SLC25A23: variants seen among roughly 807,000 people sequenced by gnomAD.
SLC25A23 encodes the protein mitochondrial adenyl nucleotide antiporter SLC25A23.
A neutral mutation model predicts 53.9 loss-of-function variants in SLC25A23; 32 were observed. That is an observed-to-expected ratio of 0.59 (90% CI 0.45 to 0.80). The LOEUF is 0.80. SLC25A23 is among the 30% of genes least tolerant of loss of function. The pLI is 0.00. For synonymous variants in SLC25A23, 275 were observed against 264.5 expected, an observed-to-expected ratio of 1.04 and a Z score of -0.38; for missense variants, 575 against 651.4, an observed-to-expected ratio of 0.88 and a Z score of 1.28.
chr19:6,441,990 C>A lies in SLC25A23; in HGVS notation c.1392G>T (p.Gly464=), dbSNP rs1317891557. The change falls in exon 10 of 10, where the codon GGG becomes GGT. Residue 464 remains glycine, a synonymous_variant. Coordinates refer to ENST00000301454, the MANE Select transcript of SLC25A23 (RefSeq NM_024103.3). ...TCCGGGTCCCTCACCTGGACGTGAC[C>A]CCCAAGGCCTGCTTCATGTTCTCGT... The part of the protein sequence containing the change: ...VVYENMKQAL[G]VTSR The A allele has an allele frequency of 4.3e-6, 7 of 1,613,738 alleles. No individual in the cohort carries two copies. Among genetic ancestry groups the A allele is most frequent in the Non-Finnish European group, 5.9e-6 (7 of 1,179,874 alleles).
intron 4 of SLC25A23, among the ~76,000 whole-genome samples, chr19:6,455,468 C>T (rs1012193343): frequency 6.6e-6 from 1 of 152,072 alleles, no homozygotes; most frequent in Non-Finnish European, 1.5e-5. Context: ...CATGGAGTCC[C>T]CGTGCAGGAA....
At chr19:6,449,906 T>C (rs959497455) in intron 8 of SLC25A23, among the ~76,000 whole-genome samples, 3 of 148,380 alleles carry the variant, frequency 2.0e-5, no homozygotes, top group South Asian at 2.1e-4. Context: ...CTGTCACCTG[T>C]GCAGTGCAAG....
intron 9 of SLC25A23, chr19:6,443,548 C>A (rs1305458644): frequency 1.4e-6 from 1 of 701,748 alleles, no homozygotes; most frequent in Non-Finnish European, 2.6e-6. Context: ...CTTTATACAA[C>A]CCTAAATCAA....
Position 6,454,864 on chromosome 19 carries a change from T to G in SLC25A23, c.484-147A>C. On this transcript the variant is annotated intron_variant, in intron 4 of 9. Coordinates refer to ENST00000301454, the MANE Select transcript of SLC25A23 (RefSeq NM_024103.3). The surrounding 1 kb of genome is among the most constrained non-coding windows in gnomAD (Gnocchi z 4.3). Reference sequence around the variant, plus strand: ...GCTTGGAGACCCCAGAAGAGTCCTGTTGGGTCCTACCAGGTGTCACCAAAG... The same window carrying G: ...GCTTGGAGACCCCAGAAGAGTCCTGGTGGGTCCTACCAGGTGTCACCAAAG... 1 of 916,810 alleles carries G rather than the reference T, an allele frequency of 1.1e-6. No homozygotes were observed. Among genetic ancestry groups the G allele is most frequent in the Non-Finnish European group, 1.6e-6 (1 of 617,286 alleles). The allele number at this position is 916,810 out of a possible 1,614,324, so 56.8% of individuals were successfully genotyped here.
intron 8 of SLC25A23, among the ~76,000 whole-genome samples, chr19:6,451,948 C>A (rs996603652): frequency 2.0e-5 from 3 of 151,840 alleles, no homozygotes; most frequent in East Asian, 3.9e-4. Context: ...ACCTCCGCCT[C>A]CCAGGCTCAA....
chr19:6,454,123 TG>T lies in SLC25A23; in HGVS notation c.796-36del, dbSNP rs2092638017. 6.3e-7 allele frequency: 1 copy of T among 1,591,702 alleles called. No homozygotes were observed. The highest frequency in any genetic ancestry group is 8.6e-7 in the Non-Finnish European group (1 of 1,166,646). ...GGAGACACAGGGATGGGTAGGACCA[TG>T]GGGGTTGAACCTTCCTTGCACTCCA... On this transcript the variant is annotated intron_variant, in intron 6 of 9. Coordinates refer to ENST00000301454, the MANE Select transcript of SLC25A23 (RefSeq NM_024103.3). The surrounding 1 kb of genome is among the most constrained non-coding windows in gnomAD (Gnocchi z 4.3).
intron 8 of SLC25A23, among the ~76,000 whole-genome samples, chr19:6,445,232 C>T (rs1022017450): frequency 4.6e-5 from 7 of 152,264 alleles, no homozygotes; most frequent in South Asian, 4.1e-4. Flanking sequence ...GCCTCAGCCT[C>T]GAAGTAGCTA....
Position 6,442,073 on chromosome 19 carries a change from C to T in SLC25A23, c.1309G>A (p.Gly437Arg). ...SQEGMRGLYRGIAPNFMKVIP... is the reference protein window; with the variant it reads ...SQEGMRGLYRRIAPNFMKVIP... ...ACCTTCATGAAGTTGGGGGCGATCCCCCGGTAGAGGCCCCGCATGCCCTCC... is the reference window on the plus strand; with the variant it reads ...ACCTTCATGAAGTTGGGGGCGATCCTCCGGTAGAGGCCCCGCATGCCCTCC... Residue 437 changes from glycine to arginine, a missense_variant, in exon 10 of 10, where the codon GGG becomes AGG. Coordinates refer to ENST00000301454, the MANE Select transcript of SLC25A23 (RefSeq NM_024103.3). The T allele has an allele frequency of 6.2e-6, 10 of 1,613,300 alleles. No homozygotes were observed. The highest frequency in any genetic ancestry group is 7.6e-6 in the Non-Finnish European group (9 of 1,179,670).
At chr19:6,437,431 C>T (rs746645405), downstream of SLC25A23, among the ~76,000 whole-genome samples, 6 of 152,136 alleles carry the variant, frequency 3.9e-5, no homozygotes, top group East Asian at 5.8e-4. Context: ...TTTGGAAATA[C>T]GGTCTTTGTA....
rs1246840196 is a variant in SLC25A23 at position 6,459,116 on chromosome 19, G to A, written c.156+357C>T. ...GGCAGTAGGTGCCCAGAGGATGGAG[G>A]GTGTGTCTCCTGGAGGTGAGAGCAG... On this transcript the variant is annotated intron_variant, in intron 1 of 9. Coordinates refer to ENST00000301454, the MANE Select transcript of SLC25A23 (RefSeq NM_024103.3). The surrounding 1 kb of genome is among the most constrained non-coding windows in gnomAD (Gnocchi z 4.6). 2.0e-5 allele frequency among the ~76,000 whole-genome samples: 3 copies of A among 152,132 alleles called. No homozygotes were observed. The highest frequency in any genetic ancestry group is 4.8e-5 in the African/African-American group (2 of 41,420).
chr19:6,442,487 C>T (rs2092437035), intron 9 of SLC25A23, among the ~76,000 whole-genome samples: 1 of 152,182 alleles, frequency 6.6e-6, no homozygotes, highest in Non-Finnish European at 1.5e-5. Flanking sequence ...TATCCCAGAG[C>T]CAGCTCCCCA....
chr19:6,452,233 C>A lies in SLC25A23; in HGVS notation c.1071+79G>T, dbSNP rs1465135479. On this transcript the variant is annotated intron_variant, in intron 8 of 9. Transcript: ENST00000301454. ...AACTATAGCAGGTCAACTGAGCCAGCCCCAGGGGAAGGGGAAGGGGTGTCC... is the reference window on the plus strand; with the variant it reads ...AACTATAGCAGGTCAACTGAGCCAGACCCAGGGGAAGGGGAAGGGGTGTCC... 3 of 1,535,304 alleles carry A rather than the reference C, an allele frequency of 2.0e-6. No individual in the cohort carries two copies. The African/African-American group carries it at 4.1e-5, about 21-fold the overall frequency.
At position 6,454,157 on chromosome 19, in the gene SLC25A23, CCTGGCTTCCAAAGAA is replaced by C; in HGVS notation, c.796-84_796-70del. The C allele has an allele frequency of 6.5e-7, 1 of 1,531,592 alleles. No homozygotes were observed. 94.9% of individuals were successfully genotyped at this position (1,531,592 alleles called of 1,614,324 possible). Reference sequence around the variant, plus strand: ...AACCTTCCTTGCACTCCACTGTTCTCCTGGCTTCCAAAGAACTGGCTTGCTGCAGGCATTCATGCA... The same window carrying C: ...AACCTTCCTTGCACTCCACTGTTCTCCTGGCTTGCTGCAGGCATTCATGCA... On this transcript the variant is annotated intron_variant, in intron 6 of 9. Transcript: ENST00000301454. The surrounding 1 kb of genome is among the most constrained non-coding windows in gnomAD (Gnocchi z 4.3).
chr19:6,448,795 G>C (rs1432889384), intron 8 of SLC25A23, among the ~76,000 whole-genome samples: 1 of 151,790 alleles, frequency 6.6e-6, no homozygotes, highest in African/African-American at 2.4e-5. Flanking sequence ...AGGCCGAGGT[G>C]GTCGGATCAC....
At position 6,459,610 on chromosome 19, in the gene SLC25A23, C is replaced by A; in HGVS notation, c.19G>T (p.Asp7Tyr). Residue 7 changes from aspartate to tyrosine, a missense_variant, in exon 1 of 10, where the codon GAC becomes TAC. By Grantham distance (160) the Asp-to-Tyr change is radical. Transcript: ENST00000301454. The surrounding 1 kb of genome is among the most constrained non-coding windows in gnomAD (Gnocchi z 4.6). ...CCCCAGCGCTGCCGCCGCTCCGCGT[C>A]GCCCGGGCTCCCCCGCATGGCGCCC... MRGSPG[D>Y]AERRQRWGRL... is the part of the protein sequence containing the mutation. 4 of 1,524,708 alleles carry A rather than the reference C, an allele frequency of 2.6e-6. No homozygotes were observed. The highest frequency in any genetic ancestry group is 3.5e-6 in the Non-Finnish European group (4 of 1,142,272). The allele number at this position is 1,524,708 out of a possible 1,614,324, so 94.4% of individuals were successfully genotyped here.
chr19:6,459,552 T>C lies in SLC25A23; in HGVS notation c.77A>G (p.Asp26Gly). 1 of 1,598,704 alleles carries C rather than the reference T, an allele frequency of 6.3e-7. No homozygotes were observed. ...RLFEELDSNK[D>G]GRVDVHELRQ... ...CAACTCGTGCACGTCCACGCGGCCA[T>C]CCTTGTTACTGTCCAGCTCCTCGAA... is the stretch of plus-strand genomic sequence containing the variant. The change falls in exon 1 of 10, where the codon GAT becomes GGT. Residue 26 changes from aspartate to glycine, a missense_variant. Asp to Gly is a moderately conservative substitution (Grantham distance 94). Transcript: ENST00000301454. The surrounding 1 kb of genome is among the most constrained non-coding windows in gnomAD (Gnocchi z 4.6).
In SLC25A23 at chr19:6,455,278, C is replaced by CA. The variant is rs140569819; in HGVS notation, c.484-562dup. On this transcript the variant is annotated intron_variant, in intron 4 of 9. Transcript: ENST00000301454. ...CAGAGTAAGACCTTGTCTGTAACAGCAAAAAAAGATCCCTCAGGGCAAATG... is the reference window on the plus strand; with the variant it reads ...CAGAGTAAGACCTTGTCTGTAACAGCAAAAAAAAGATCCCTCAGGGCAAATG... Among the ~76,000 whole-genome samples, 1,645 of 152,030 alleles carry CA rather than the reference C, an allele frequency of 0.011. 65 individuals carry two copies. In the East Asian group the frequency reaches 0.13, roughly 12 times the overall value.
At chr19:6,455,117 C>A (rs2092659010) in intron 4 of SLC25A23, among the ~76,000 whole-genome samples, 2 of 151,970 alleles carry the variant, frequency 1.3e-5, no homozygotes, top group African/African-American at 4.8e-5. Context: ...AGCAAGATCC[C>A]CTCTCTACAA....
At chr19:6,448,205 T>G (rs2092534536) in intron 8 of SLC25A23, among the ~76,000 whole-genome samples, 1 of 152,168 alleles carries the variant, frequency 6.6e-6, no homozygotes, top group African/African-American at 2.4e-5. Flanking sequence ...CTATGCCAAT[T>G]CTAATCCACC....
Sources: gnomAD v4.1 joint callset for allele counts (sites outside exome capture counted in the v4.1 genomes callset) on GRCh38, gnomAD v4.1.1 for gene constraint, Gnocchi (gnomAD v3.1) non-coding constraint, MANE v1.5 for transcripts, NCBI Gene and HGNC (gene_info 2026-07-23, HGNC 2026-07-21) for gene names.